FMN2: variants seen among roughly 807,000 people sequenced by gnomAD.
The protein encoded by FMN2 is formin 2, also known as formin-2.
In FMN2, 51 loss-of-function variants were observed where a neutral mutation model predicts 142.3. The ratio of observed to expected loss-of-function variants is 0.36; its 90% confidence interval spans 0.29 to 0.45. The LOEUF (loss-of-function observed/expected upper bound fraction) is 0.45, where lower values mean the gene tolerates loss of function less well. Ranked by LOEUF, FMN2 falls within the 20% of genes least tolerant of loss-of-function variation. FMN2 has a pLI of 1.00. For missense variants in FMN2, 1,936 were observed against 2,122.8 expected (o/e 0.91, Z 1.73); for synonymous variants, 882 against 869.8 (o/e 1.01, Z -0.25).
At chr1:240,161,494 C>T (rs1308381029) in intron 2 of FMN2, among the ~76,000 whole-genome samples, 4 of 151,218 alleles carry the variant, frequency 2.6e-5, no homozygotes, top group African/African-American at 9.8e-5. Flanking sequence ...CATTGTGCCA[C>T]TGCACTCCAG....
chr1:240,104,090 GGATGGTCTC>G (rs1208749119), intron 1 of FMN2, among the ~76,000 whole-genome samples: 3 of 151,442 alleles, frequency 2.0e-5, no homozygotes, highest in African/African-American at 7.3e-5. Context: ...GTGTTAGCCA[GGATGGTCTC>G]GATCTCCTGA....
rs575619561 is a variant in FMN2 at position 240,224,184 on chromosome 1, T to C, written c.4065+12949T>C. Among the ~76,000 whole-genome samples the C allele has an allele frequency of 2.7e-3, 413 of 152,342 alleles. 3 individuals are homozygous for C. In the South Asian group the frequency reaches 0.027, roughly 10 times the overall value. On this transcript the variant is annotated intron_variant, in intron 6 of 17. Coordinates refer to ENST00000319653, the MANE Select transcript of FMN2 (RefSeq NM_020066.5). The stretch of plus-strand genomic sequence containing the variant: ...GTCCCAGAGATTCTGGTACGTTGTA[T>C]CTTTGTTCTCATTGGTTTCAAAGAA...
intron 7 of FMN2, among the ~76,000 whole-genome samples, chr1:240,273,295 C>T (rs914938473): frequency 1.3e-5 from 2 of 152,146 alleles, no homozygotes; most frequent in Non-Finnish European, 2.9e-5. Context: ...CAAAGACTTG[C>T]AACAACTGTA....
chr1:240,434,166 A>G (rs1675274272), intron 15 of FMN2, among the ~76,000 whole-genome samples: 1 of 152,178 alleles, frequency 6.6e-6, no homozygotes, highest in Non-Finnish European at 1.5e-5. Context: ...ATTTTTTTAA[A>G]TAACTGAACA....
At chr1:240,199,614 C>T (rs570692173) in intron 4 of FMN2, among the ~76,000 whole-genome samples, 1 of 152,284 alleles carries the variant, frequency 6.6e-6, no homozygotes, top group East Asian at 1.9e-4. Context: ...ACCATCACCA[C>T]CCACATATAA....
At chr1:240,284,228 A>G (rs558708068) in intron 7 of FMN2, among the ~76,000 whole-genome samples, 3 of 152,300 alleles carry the variant, frequency 2.0e-5, no homozygotes, top group Admixed American at 6.5e-5. Flanking sequence ...CACTTTGGCC[A>G]TATTGTCATG....
intron 6 of FMN2, among the ~76,000 whole-genome samples, chr1:240,211,653 T>C (rs575973711): frequency 2.0e-4 from 30 of 152,326 alleles, no homozygotes; most frequent in African/African-American, 6.3e-4. Context: ...TTTTGTTGCA[T>C]TATATCTGAA....
At chr1:240,352,136 T>G (rs908044675) in intron 13 of FMN2, among the ~76,000 whole-genome samples, 1 of 152,166 alleles carries the variant, frequency 6.6e-6, no homozygotes, top group Non-Finnish European at 1.5e-5. Flanking sequence ...GGATTTTACT[T>G]TCCTCATTGG....
chr1:240,220,194 CA>C (rs1667052589), intron 6 of FMN2, among the ~76,000 whole-genome samples: 1 of 152,018 alleles, frequency 6.6e-6, no homozygotes, highest in African/African-American at 2.4e-5. Context: ...CCTAAGGGCA[CA>C]CAGGAAACGG....
At chr1:240,427,208 T>G (rs899265568) in intron 15 of FMN2, among the ~76,000 whole-genome samples, 4 of 151,182 alleles carry the variant, frequency 2.6e-5, no homozygotes, top group African/African-American at 9.7e-5. Context: ...TTTTTTTGTT[T>G]TTGTTTTTGT....
At chr1:240,360,878 A>G (rs1180870251) in intron 14 of FMN2, among the ~76,000 whole-genome samples, 1 of 151,832 alleles carries the variant, frequency 6.6e-6, no homozygotes, top group Non-Finnish European at 1.5e-5. Context: ...AGGACAAAAA[A>G]CCAAACACTG....
rs6679006 is a variant in FMN2 at position 240,181,194 on chromosome 1, G to A, written c.1930+3126G>A. Among the ~76,000 whole-genome samples the A allele has an allele frequency of 6.0e-3, 905 of 151,760 alleles. 13 individuals carry two copies. The highest frequency in any genetic ancestry group is 0.021 in the African/African-American group (863 of 41,378). On this transcript the variant is annotated intron_variant, in intron 3 of 17. Transcript: ENST00000319653. ...TAATTTTTGTATTTTTGTAGAAACG[G>A]GGTTTCACCATGTTGGCCCAGCTGG...
chr1:240,468,525 CTCT>C (rs1327619009), intron 16 of FMN2, among the ~76,000 whole-genome samples: 1 of 152,142 alleles, frequency 6.6e-6, no homozygotes, highest in Non-Finnish European at 1.5e-5. Context: ...TGCGTTCTCA[CTCT>C]ATCAATGAGG....
intron 12 of FMN2, 58 bp downstream of exon 12, chr1:240,334,004 G>C (rs1671473947): frequency 6.4e-7 from 1 of 1,572,892 alleles, no homozygotes; most frequent in Admixed American, 1.8e-5. Flanking sequence ...TGGATGATTT[G>C]GCAGTACTTT....
intron 15 of FMN2, chr1:240,401,177 G>T (rs910883130): frequency 4.0e-5 from 6 of 150,498 alleles, no homozygotes; most frequent in Non-Finnish European, 8.8e-5. Flanking sequence ...GATCCTCACT[G>T]TATTTTATCT....
At chr1:240,204,786 G>A (rs1419874383) in intron 4 of FMN2, among the ~76,000 whole-genome samples, 1 of 152,076 alleles carries the variant, frequency 6.6e-6, no homozygotes, top group Non-Finnish European at 1.5e-5. Context: ...CATAGAGATG[G>A]GGGGAAAAAG....
At chr1:240,437,135 C>G (rs1675405400) in intron 15 of FMN2, among the ~76,000 whole-genome samples, 1 of 152,140 alleles carries the variant, frequency 6.6e-6, no homozygotes, top group Non-Finnish European at 1.5e-5. Context: ...TGAAACTCTT[C>G]TGAGCTCCAT....
intron 8 of FMN2, among the ~76,000 whole-genome samples, chr1:240,315,651 G>A (rs1475313585): frequency 6.6e-6 from 1 of 152,046 alleles, no homozygotes; most frequent in African/African-American, 2.4e-5. Context: ...AGGTTGCTAT[G>A]GTATATTTGA....
chr1:240,464,670 G>A (rs1039730004), intron 16 of FMN2, among the ~76,000 whole-genome samples: 7 of 152,026 alleles, frequency 4.6e-5, no homozygotes, highest in East Asian at 1.9e-4. Context: ...AAAGGAATAC[G>A]ATGTGTGTAA....
Sources: gnomAD v4.1 joint callset for allele counts (sites outside exome capture counted in the v4.1 genomes callset) on GRCh38, gnomAD v4.1.1 for gene constraint, MANE v1.5 for transcripts, NCBI Gene and HGNC (gene_info 2026-07-23, HGNC 2026-07-21) for gene names.